ZNF804B: variants seen among roughly 807,000 people sequenced by gnomAD.
ZNF804B encodes the protein zinc finger protein 804B.
Under a neutral mutation model 101.4 loss-of-function variants are expected in ZNF804B, and 80 were observed. The observed-to-expected ratio is 0.79, with a 90% CI of 0.66 to 0.95. The LOEUF is 0.95. Among genes scored for constraint, ZNF804B ranks in the 40% least tolerant of loss-of-function variants. The pLI is 0.00. For missense variants in ZNF804B, 1,673 were observed against 1,561.9 expected, an observed-to-expected ratio of 1.07 and a Z score of -1.20; for synonymous variants, 622 against 558.8, an observed-to-expected ratio of 1.11 and a Z score of -1.59.
chr7:89,107,211 A>T (rs1043782132), intron 1 of ZNF804B, among the ~76,000 whole-genome samples: 17 of 152,056 alleles, frequency 1.1e-4, no homozygotes, highest in African/African-American at 4.1e-4. Context: ...GTAGTTTATT[A>T]TTCTTTTGAT....
intron 1 of ZNF804B, among the ~76,000 whole-genome samples, chr7:88,785,142 G>A (rs1790281726): frequency 1.3e-5 from 2 of 152,068 alleles, no homozygotes; most frequent in Non-Finnish European, 2.9e-5. Flanking sequence ...ATGATTCTCA[G>A]ACACCTCAAA....
At chr7:89,038,233 A>G (rs1402074291) in intron 1 of ZNF804B, among the ~76,000 whole-genome samples, 1 of 152,102 alleles carries the variant, frequency 6.6e-6, no homozygotes, top group Non-Finnish European at 1.5e-5. Flanking sequence ...ATTTGTGAGA[A>G]ACCTCCATAC....
At chr7:89,281,570 T>C (rs1790094896) in intron 2 of ZNF804B, among the ~76,000 whole-genome samples, 1 of 152,206 alleles carries the variant, frequency 6.6e-6, no homozygotes, top group Non-Finnish European at 1.5e-5. Flanking sequence ...TTTATAAGCC[T>C]AGATTACTAC....
At chr7:89,263,434 G>T (rs1789739577) in intron 2 of ZNF804B, among the ~76,000 whole-genome samples, 1 of 152,040 alleles carries the variant, frequency 6.6e-6, no homozygotes, top group Admixed American at 6.6e-5. Context: ...TTTTAGTGGA[G>T]CTATGACTTA....
intron 1 of ZNF804B, among the ~76,000 whole-genome samples, chr7:89,121,119 A>C (rs971527838): frequency 6.6e-6 from 1 of 152,138 alleles, no homozygotes; most frequent in Middle Eastern, 3.2e-3. Flanking sequence ...CCTGTGTCAC[A>C]CCCCACACCA....
intron 2 of ZNF804B, among the ~76,000 whole-genome samples, chr7:89,315,685 G>A (rs1790714365): frequency 6.6e-6 from 1 of 151,834 alleles, no homozygotes; most frequent in Admixed American, 6.6e-5. Flanking sequence ...TTTTAAATGA[G>A]TCACTGCTAA....
intron 2 of ZNF804B, among the ~76,000 whole-genome samples, chr7:89,277,051 T>C (rs927283574): frequency 2.0e-5 from 3 of 150,900 alleles, no homozygotes; most frequent in Non-Finnish European, 4.4e-5. Context: ...GAAGCAACTT[T>C]GGTCTGTTGT....
intron 1 of ZNF804B, among the ~76,000 whole-genome samples, chr7:89,006,046 G>T (rs1480516436): frequency 6.6e-6 from 1 of 152,040 alleles, no homozygotes; most frequent in Non-Finnish European, 1.5e-5. Context: ...TTTGTAATTA[G>T]ATTTTTGAAA....
intron 1 of ZNF804B, among the ~76,000 whole-genome samples, chr7:88,935,537 T>TC: frequency 6.6e-6 from 1 of 151,778 alleles, no homozygotes; most frequent in East Asian, 2.0e-4. Context: ...TTATTAATTT[T>TC]TTTTTAATAA....
At chr7:88,975,008 A>C (rs540682291) in intron 1 of ZNF804B, among the ~76,000 whole-genome samples, 31 of 151,532 alleles carry the variant, frequency 2.0e-4, no homozygotes, top group African/African-American at 7.5e-4. Context: ...TTAGCTCCCC[A>C]AAATAAGTGA....
At chr7:88,985,689 A>T (rs1486589709) in intron 1 of ZNF804B, among the ~76,000 whole-genome samples, 1 of 152,130 alleles carries the variant, frequency 6.6e-6, no homozygotes, top group Non-Finnish European at 1.5e-5. Context: ...CCTTTAATGG[A>T]AAGATGTGAA....
At chr7:88,965,408 T>C (rs189030836) in intron 1 of ZNF804B, among the ~76,000 whole-genome samples, 118 of 151,558 alleles carry the variant, frequency 7.8e-4, no homozygotes, top group Admixed American at 3.9e-3. Context: ...GTAGAGTGGA[T>C]ATAGGGCTAG....
intron 1 of ZNF804B, among the ~76,000 whole-genome samples, chr7:89,187,626 A>G (rs1428926309): frequency 6.6e-6 from 1 of 152,132 alleles, no homozygotes; most frequent in Non-Finnish European, 1.5e-5. Flanking sequence ...CAAAGTTTGG[A>G]GAAGCAAGTG....
At chr7:89,273,090 T>G (rs919683390) in intron 2 of ZNF804B, among the ~76,000 whole-genome samples, 4 of 152,146 alleles carry the variant, frequency 2.6e-5, no homozygotes, top group Non-Finnish European at 4.4e-5. Context: ...TATAAAAACA[T>G]GTAATCAATT....
chr7:89,066,024 A>G (rs142518501), intron 1 of ZNF804B, among the ~76,000 whole-genome samples: 41 of 152,234 alleles, frequency 2.7e-4, no homozygotes, highest in Admixed American at 1.6e-3. Context: ...CAACACAATC[A>G]TATGTTTAAG....
chr7:88,836,893 G>A (rs980955248), intron 1 of ZNF804B, among the ~76,000 whole-genome samples: 3 of 151,926 alleles, frequency 2.0e-5, no homozygotes, highest in African/African-American at 7.2e-5. Flanking sequence ...TCTGTTCTTT[G>A]TTGGCTGATG....
chr7:89,058,246 T>G (rs1416625411), intron 1 of ZNF804B, among the ~76,000 whole-genome samples: 1 of 152,106 alleles, frequency 6.6e-6, no homozygotes, highest in East Asian at 1.9e-4. Flanking sequence ...TGAAACTGCT[T>G]AGGTATGGTG....
chr7:89,018,659 TG>T (rs1261543908), intron 1 of ZNF804B, among the ~76,000 whole-genome samples: 16 of 152,156 alleles, frequency 1.1e-4, no homozygotes, highest in African/African-American at 3.6e-4. Flanking sequence ...GAATGGTTTT[TG>T]TTATTGACTC....
At chr7:89,015,779 T>A (rs887028741) in intron 1 of ZNF804B, among the ~76,000 whole-genome samples, 1 of 152,188 alleles carries the variant, frequency 6.6e-6, no homozygotes. Context: ...CTATTGTGAA[T>A]AGTGCCGCAA....
Sources: allele counts gnomAD v4.1 joint callset (sites outside exome capture counted in the v4.1 genomes callset), GRCh38; gene constraint gnomAD v4.1.1; transcripts MANE v1.5; gene names NCBI Gene and HGNC (gene_info 2026-07-23, HGNC 2026-07-21).